Variants in BICRA observed in about 807,000 individuals in gnomAD.
BICRA encodes the protein BRD4 interacting chromatin remodeling complex associated protein.
BICRA carries 31 observed loss-of-function variants against 96.9 expected under a neutral mutation model. The ratio of observed to expected loss-of-function variants is 0.32; its 90% CI spans 0.24 to 0.43. The LOEUF is 0.43. BICRA is among the 20% of genes least tolerant of loss of function. The pLI is 1.00. For missense variants in BICRA, 2,283 were observed against 2,190.3 expected (o/e 1.04, Z -0.84); for synonymous variants, 1,350 against 1,071.8 (o/e 1.26, Z -5.07).
rs1419899569 is a variant in BICRA, at chr19:47,616,387, A to C, written c.-108+7219A>C. Among the ~76,000 whole-genome samples, 6 of 152,212 alleles carry C rather than the reference A, an allele frequency of 3.9e-5. No homozygotes were observed. The East Asian group carries it at 1.2e-3, about 29-fold the overall frequency. ...ATTGGTGGCTCATGCCTGTAATCCC[A>C]GCACTTTGGGAGGCCAAGGCAGGCG... On this transcript the variant is annotated intron_variant, in intron 1 of 14. Coordinates refer to ENST00000594866, the MANE Select transcript of BICRA (RefSeq NM_001394372.1).
At chr19:47,630,311 C>T (rs1372501954) in intron 1 of BICRA, among the ~76,000 whole-genome samples, 1 of 151,980 alleles carries the variant, frequency 6.6e-6, no homozygotes, top group Admixed American at 6.6e-5. Context: ...TAGGCGTCCG[C>T]CACCACGCCT....
At chr19:47,656,930 C>T (rs1186638563) in intron 1 of BICRA, among the ~76,000 whole-genome samples, 2 of 152,042 alleles carry the variant, frequency 1.3e-5, no homozygotes, top group East Asian at 1.9e-4. Flanking sequence ...GTGGCGATCT[C>T]GGCTCACTGC....
rs751699093 is a variant in BICRA, at chr19:47,699,622, G to A, written c.3595+217G>A. On this transcript the variant is annotated intron_variant, in intron 14 of 14. Transcript: ENST00000594866. The surrounding 1 kb of genome is among the most constrained non-coding windows in gnomAD (Gnocchi z 5.0). ...CATCCATCTTCCTCCATCCCTGTGT[G>A]GCCCTTCCACCCCCACCACTCTGGG... 6.6e-6 allele frequency among the ~76,000 whole-genome samples: 1 copy of A among 152,120 alleles called. No individual in the cohort carries two copies. The highest frequency in any genetic ancestry group is 2.4e-5 in the African/African-American group (1 of 41,402).
chr19:47,692,862 C>T (rs1599862714), intron 7 of BICRA, among the ~76,000 whole-genome samples: 1 of 152,136 alleles, frequency 6.6e-6, no homozygotes, highest in East Asian at 1.9e-4. Flanking sequence ...TGCTGGCTGT[C>T]CTCGGGCAGA....
intron 1 of BICRA, among the ~76,000 whole-genome samples, chr19:47,658,419 G>T (rs1181019616): frequency 1.3e-5 from 2 of 152,240 alleles, no homozygotes; most frequent in East Asian, 3.9e-4. Flanking sequence ...CGGGCATGGT[G>T]GCTCATGCCT....
chr19:47,666,419 A>G (rs558184331), intron 1 of BICRA, among the ~76,000 whole-genome samples: 2 of 151,710 alleles, frequency 1.3e-5, no homozygotes, highest in South Asian at 4.2e-4. Flanking sequence ...AACTGGGATT[A>G]CAGGCATGTG....
At chr19:47,654,790 G>GA (rs58825818) in intron 1 of BICRA, among the ~76,000 whole-genome samples, 287 of 144,086 alleles carry the variant, frequency 2.0e-3, no homozygotes, top group Admixed American at 5.2e-3. Flanking sequence ...CCATCTCTAT[G>GA]AAAAAAAAAA....
chr19:47,628,264 A>G (rs1972169618), intron 1 of BICRA, among the ~76,000 whole-genome samples: 1 of 152,108 alleles, frequency 6.6e-6, no homozygotes, highest in South Asian at 2.1e-4. Flanking sequence ...AGACTTGCAC[A>G]CCAGTTCCTG....
rs527725581 is a variant in BICRA at position 47,650,612 on chromosome 19, A to G, written c.-107-19831A>G. On this transcript the variant is annotated intron_variant, in intron 1 of 14. Transcript: ENST00000594866. ...GTGCAATGATTTTTGCACCAACCCAATATAAAAGGTGTTGCTCTGAGAGGG... is the reference window on the plus strand; with the variant it reads ...GTGCAATGATTTTTGCACCAACCCAGTATAAAAGGTGTTGCTCTGAGAGGG... 8.7e-4 allele frequency among the ~76,000 whole-genome samples: 133 copies of G among 152,266 alleles called. 1 individual carries two copies. The highest frequency in any genetic ancestry group is 4.3e-3 in the Admixed American group (66 of 15,290).
rs3074109 is a variant in BICRA, at chr19:47,685,741, C to CTGTGTGTGTGTGTGTGTG, written c.2283+3618_2283+3635dup. 1.1e-3 allele frequency among the ~76,000 whole-genome samples: 122 copies of CTGTGTGTGTGTGTGTGTG among 115,514 alleles called. 1 individual carries two copies. The highest frequency in any genetic ancestry group is 2.3e-3 in the South Asian group (7 of 3,076). The allele number at this position is 115,514 out of a possible 152,430, so 75.8% of individuals were successfully genotyped here. On this transcript the variant is annotated intron_variant, in intron 7 of 14. Transcript: ENST00000594866. ...TGTACCCAGATGGATTTGGCAGCCT[C>CTGTGTGTGTGTGTGTGTG]TGTGTGTGTGTGTGTGTGTGTGTGT...
In BICRA at chr19:47,680,214, C is replaced by T. The variant is rs918892223; in HGVS notation, c.1044C>T (p.Pro348=). ...PAPNVILHRT[P]TPIQPKPAGV... ...CCAACGTGATCCTGCATCGCACACC[C>T]ACGCCCATCCAGCCCAAGCCCGCGG... Residue 348 remains proline (P), a synonymous_variant, in exon 6 of 15, where the codon CCC becomes CCT. Coordinates refer to ENST00000594866, the MANE Select transcript of BICRA (RefSeq NM_001394372.1). 12 of 1,557,482 alleles carry T rather than the reference C, an allele frequency of 7.7e-6. No individual in the cohort carries two copies. Among genetic ancestry groups the T allele is most frequent in the Non-Finnish European group, 1.0e-5 (12 of 1,160,388 alleles).
In BICRA at chr19:47,648,665, AGTTTTTTTTTTTTGTTT is replaced by A. The variant is rs971109584; in HGVS notation, c.-107-21764_-107-21748del. On this transcript the variant is annotated intron_variant, in intron 1 of 14. Transcript: ENST00000594866. ...AGGTGGTGGATCACCTGAGGTCAGG[AGTTTTTTTTTTTTGTTT>A]GTTTTTTTTTTTTTGAGACAGAGTC... Among the ~76,000 whole-genome samples, 6 of 141,750 alleles carry A rather than the reference AGTTTTTTTTTTTTGTTT, an allele frequency of 4.2e-5. No individual in the cohort carries two copies. The South Asian group carries it at 6.9e-4, about 16-fold the overall frequency. 93.0% of individuals were successfully genotyped at this position (141,750 alleles called of 152,430 possible). A position where few individuals can be genotyped will look rare whatever the true frequency, so the allele number is the denominator to read the frequency against.
At chr19:47,654,806 A>T (rs1325190231) in intron 1 of BICRA, among the ~76,000 whole-genome samples, 1 of 134,086 alleles carries the variant, frequency 7.5e-6, no homozygotes, top group African/African-American at 2.8e-5. Flanking sequence ...AAAAAAAAAA[A>T]TCACAAAACA....
At chr19:47,642,105 A>G (rs1304016687) in intron 1 of BICRA, among the ~76,000 whole-genome samples, 2 of 152,218 alleles carry the variant, frequency 1.3e-5, no homozygotes, top group South Asian at 2.1e-4. Context: ...ATCACACAGC[A>G]TGTACTCTTT....
At position 47,672,552 on chromosome 19, in the gene BICRA, G is replaced by C. The variant is rs556472626; in HGVS notation, c.-5-1018G>C. 1.1e-3 allele frequency among the ~76,000 whole-genome samples: 162 copies of C among 150,328 alleles called. No individual in the cohort carries two copies. In the Middle Eastern group the frequency reaches 0.017, roughly 16 times the overall value. Reference sequence around the variant, plus strand: ...TTTCTGAGGGCTGGTTGGATGTTTGGAGAAATGTTTGGAAAGATAAAGAAG... The same window carrying C: ...TTTCTGAGGGCTGGTTGGATGTTTGCAGAAATGTTTGGAAAGATAAAGAAG... On this transcript the variant is annotated intron_variant, in intron 2 of 14. Transcript: ENST00000594866.
rs1262186371 is a variant in BICRA at position 47,691,942 on chromosome 19, T to C, written c.2284-2173T>C. ...ACTTAACCATCATACTGCAAAGAAA[T>C]AAAGCAGACAGCATTGACATGATAC... On this transcript the variant is annotated intron_variant, in intron 7 of 14. Coordinates refer to ENST00000594866, the MANE Select transcript of BICRA (RefSeq NM_001394372.1). Among the ~76,000 whole-genome samples the C allele has an allele frequency of 2.0e-5, 3 of 152,302 alleles. No individual in the cohort carries two copies. The East Asian group carries it at 5.8e-4, about 29-fold the overall frequency.
chr19:47,642,981 T>C (rs1467927999), intron 1 of BICRA, among the ~76,000 whole-genome samples: 1 of 152,226 alleles, frequency 6.6e-6, no homozygotes, highest in East Asian at 1.9e-4. Flanking sequence ...ATTGGATCAT[T>C]TGTTGTCTCT....
chr19:47,608,897 T>C (rs1176530935), upstream of BICRA, among the ~76,000 whole-genome samples: 1 of 13,264 alleles, frequency 7.5e-5, no homozygotes, highest in African/African-American at 2.4e-4. Flanking sequence ...TGAGAGGTTT[T>C]TTTTTTTTTT....
chr19:47,613,257 A>G (rs1456431962), intron 1 of BICRA, among the ~76,000 whole-genome samples: 1 of 152,164 alleles, frequency 6.6e-6, no homozygotes, highest in Non-Finnish European at 1.5e-5. Flanking sequence ...CTTGTAGCCC[A>G]GGTCTAGCCA....
Sources: allele counts gnomAD v4.1 joint callset (sites outside exome capture counted in the v4.1 genomes callset), GRCh38; gene constraint gnomAD v4.1.1; non-coding constraint Gnocchi (gnomAD v3.1); transcripts MANE v1.5; gene names NCBI Gene and HGNC (gene_info 2026-07-23, HGNC 2026-07-21).